GAPVD1: variants seen among roughly 807,000 people sequenced by gnomAD.
GAPVD1 encodes the protein GTPase activating protein and VPS9 domains 1.
A neutral mutation model predicts 155.5 loss-of-function variants in GAPVD1; 35 were observed. The observed-to-expected ratio is 0.23, with a 90% CI of 0.17 to 0.30. The LOEUF is 0.30. Among genes scored for constraint, GAPVD1 ranks in the 10% least tolerant of loss-of-function variants. The pLI, the probability that GAPVD1 is intolerant of heterozygous loss-of-function variation, is 1.00. For synonymous variants in GAPVD1, 636 were observed against 619.7 expected (o/e 1.03, Z -0.39); for missense variants, 1,429 against 1,775.7 (o/e 0.80, Z 3.51).
In GAPVD1 at chr9:125,364,623, G is replaced by A. The variant is rs1266331457; in HGVS notation, c.*1877G>A. 1.3e-5 allele frequency: 2 copies of A among 152,262 alleles called. No individual in the cohort carries two copies. Among genetic ancestry groups the A allele is most frequent in the Non-Finnish European group, 1.5e-5 (1 of 68,050 alleles). 9.4% of individuals were successfully genotyped at this position (152,262 alleles called of 1,614,324 possible). A position where few individuals can be genotyped will look rare whatever the true frequency, so the allele number is the denominator to read the frequency against. Reference sequence around the variant, plus strand: ...CCAAAATAACAAATTGCATAGGAGTGTGGGATGTGGTTTCTGCCTTCTAGA... The same window carrying A: ...CCAAAATAACAAATTGCATAGGAGTATGGGATGTGGTTTCTGCCTTCTAGA... On this transcript the variant is annotated 3_prime_UTR_variant, in exon 28 of 28. Transcript: ENST00000297933.
At chr9:125,279,631 G>A (rs1170694832) in intron 2 of GAPVD1, among the ~76,000 whole-genome samples, 1 of 150,742 alleles carries the variant, frequency 6.6e-6, no homozygotes, top group East Asian at 2.0e-4. Flanking sequence ...AAAAGTATGT[G>A]CACAATAAAA....
intron 2 of GAPVD1, among the ~76,000 whole-genome samples, chr9:125,288,397 A>G (rs1181727702): frequency 6.6e-6 from 1 of 152,154 alleles, no homozygotes; most frequent in Non-Finnish European, 1.5e-5. Context: ...GGCTTGAGCC[A>G]CTGCACCCGG....
intron 2 of GAPVD1, among the ~76,000 whole-genome samples, chr9:125,285,227 T>C (rs117863659): frequency 0.018 from 2,677 of 152,282 alleles, 36 homozygotes; most frequent in Non-Finnish European, 0.028. Flanking sequence ...ATACAACTTT[T>C]ATTTATACAA....
chr9:125,348,020 A>T (rs1281199181), intron 20 of GAPVD1, among the ~76,000 whole-genome samples: 5 of 150,998 alleles, frequency 3.3e-5, no homozygotes, highest in African/African-American at 7.3e-5. Context: ...ATATATAGAG[A>T]GTGTGTGTGT....
Position 125,366,088 on chromosome 9 carries a change from T to A in GAPVD1, c.*3342T>A, listed in dbSNP as rs569886320. 1 of 152,356 alleles carries A rather than the reference T, an allele frequency of 6.6e-6. No individual in the cohort carries two copies. The highest frequency in any genetic ancestry group is 2.4e-5 in the African/African-American group (1 of 41,574). 9.4% of individuals were successfully genotyped at this position (152,356 alleles called of 1,614,324 possible). ...AGGCCTTCTGATACAGATAGTTAAA[T>A]CGCTGTAGTAGGAGGCTCAGGTTTT... On this transcript the variant is annotated 3_prime_UTR_variant, in exon 28 of 28. Transcript: ENST00000297933.
At chr9:125,349,677 G>A (rs780239290) in intron 21 of GAPVD1, among the ~76,000 whole-genome samples, 158 bp downstream of exon 21, 1 of 152,102 alleles carries the variant, frequency 6.6e-6, no homozygotes, top group South Asian at 2.1e-4. Flanking sequence ...AGTTGTAGAT[G>A]TTATGTATCA....
intron 2 of GAPVD1, among the ~76,000 whole-genome samples, chr9:125,273,887 G>A (rs1835311928): frequency 6.6e-6 from 1 of 151,818 alleles, no homozygotes; most frequent in Non-Finnish European, 1.5e-5. Flanking sequence ...ATGGCACAGA[G>A]GTTTCCAAGA....
At chr9:125,281,504 C>G (rs1234033687) in intron 2 of GAPVD1, among the ~76,000 whole-genome samples, 1 of 152,064 alleles carries the variant, frequency 6.6e-6, no homozygotes, top group Non-Finnish European at 1.5e-5. Context: ...GATGATGGTA[C>G]AGAGACAGCA....
chr9:125,302,561 A>T lies in GAPVD1; in HGVS notation c.764A>T (p.Glu255Val). The T allele has an allele frequency of 6.2e-7, 1 of 1,613,390 alleles. No individual in the cohort carries two copies. The highest frequency in any genetic ancestry group is 8.5e-7 in the Non-Finnish European group (1 of 1,179,280). The stretch of plus-strand genomic sequence containing the variant: ...GTTCAAGAAATGGTGGAGTCCAATG[A>T]AGCAAAGCTAGTGGCTTTGGTGAAC... ...QKVQEMVESNEAKLVALVNKF... is the reference protein window; with the variant it reads ...QKVQEMVESNVAKLVALVNKF... Residue 255 changes from glutamate (E) to valine (V), a missense_variant, in exon 5 of 28, where the codon GAA becomes GTA. Around this residue, in one of 4 missense-constraint regions of GAPVD1, gnomAD observed 628 missense variants for 733.4 expected, o/e 0.86. Coordinates refer to ENST00000297933, the MANE Select transcript of GAPVD1 (RefSeq NM_001282680.3).
At chr9:125,288,259 G>A (rs1320633111) in intron 2 of GAPVD1, among the ~76,000 whole-genome samples, 13 of 151,630 alleles carry the variant, frequency 8.6e-5, no homozygotes, top group South Asian at 2.1e-4. Flanking sequence ...TTATAGGCGC[G>A]CACCACCACA....
rs1487656781 is a variant in GAPVD1 at position 125,321,350 on chromosome 9, A to T, written c.1603-83A>T. 6 of 896,048 alleles carry T rather than the reference A, an allele frequency of 6.7e-6. No homozygotes were observed. The African/African-American group carries it at 1.0e-4, about 15-fold the overall frequency. 55.5% of individuals were successfully genotyped at this position (896,048 alleles called of 1,614,324 possible). A position where few individuals can be genotyped will look rare whatever the true frequency, so the allele number is the denominator to read the frequency against. ...AAAAATTGATAATTTAAGATTAAGG[A>T]GTTAAATATGCATTTGCTGTGGTTT... On this transcript the variant is annotated intron_variant, in intron 9 of 27. Transcript: ENST00000297933.
Position 125,306,945 on chromosome 9 carries a change from C to T in GAPVD1, c.1117-468C>T, listed in dbSNP as rs374404264. 1.2e-4 allele frequency among the ~76,000 whole-genome samples: 18 copies of T among 152,254 alleles called. 1 individual carries two copies. In the South Asian group the frequency reaches 3.1e-3, roughly 26 times the overall value. On this transcript the variant is annotated intron_variant, in intron 6 of 27. Coordinates refer to ENST00000297933, the MANE Select transcript of GAPVD1 (RefSeq NM_001282680.3). Reference sequence around the variant, plus strand: ...AGAAGTTTGAGACCAGTCTGGGCAACATGGTGAAACCCCATCTCTACAAAA... The same window carrying T: ...AGAAGTTTGAGACCAGTCTGGGCAATATGGTGAAACCCCATCTCTACAAAA...
chr9:125,337,196 C>T (rs1376568302), intron 16 of GAPVD1, 25 bp from the exon 17 acceptor site: 1 of 1,612,234 alleles, frequency 6.2e-7, no homozygotes, highest in Non-Finnish European at 8.5e-7. Flanking sequence ...GTCTCAGTTA[C>T]AAAACTTTTT....
chr9:125,307,622 A>C (rs535312518), intron 7 of GAPVD1, 69 bp from the exon 8 acceptor site: 109 of 1,559,116 alleles, frequency 7.0e-5, no homozygotes, highest in Middle Eastern at 1.7e-4. Context: ...ACATGAGTAC[A>C]TTGTGTGGGA....
intron 25 of GAPVD1, among the ~76,000 whole-genome samples, chr9:125,358,805 A>G (rs1169533579): frequency 6.6e-6 from 1 of 152,168 alleles, no homozygotes; most frequent in African/African-American, 2.4e-5. Context: ...TAGACTACAA[A>G]CAGCAACTTT....
intron 1 of GAPVD1, among the ~76,000 whole-genome samples, chr9:125,268,279 C>T (rs928267235): frequency 2.0e-5 from 3 of 148,510 alleles, no homozygotes; most frequent in South Asian, 2.2e-4. Context: ...TCTCACTTTA[C>T]GCAGCTGGCT....
intron 2 of GAPVD1, among the ~76,000 whole-genome samples, chr9:125,276,815 G>GT (rs1248710445): frequency 6.6e-6 from 1 of 152,168 alleles, no homozygotes; most frequent in Non-Finnish European, 1.5e-5. Flanking sequence ...ATGAAGAGCA[G>GT]TGGGACCATC....
chr9:125,333,174 G>A (rs1387355985), intron 15 of GAPVD1, among the ~76,000 whole-genome samples: 1 of 151,834 alleles, frequency 6.6e-6, no homozygotes, highest in African/African-American at 2.4e-5. Flanking sequence ...TGGGTCTGCT[G>A]GGTTCAAGCC....
Position 125,350,360 on chromosome 9 carries a change from C to G in GAPVD1, c.3365C>G (p.Thr1122Ser). 1 of 1,608,540 alleles carries G rather than the reference C, an allele frequency of 6.2e-7. No individual in the cohort carries two copies. Among genetic ancestry groups the G allele is most frequent in the Non-Finnish European group, 8.5e-7 (1 of 1,178,238 alleles). The change falls in exon 22 of 28, where the codon ACC (threonine) becomes AGC (serine). Residue 1122 changes from threonine to serine, a missense_variant. Thr to Ser is a moderately conservative substitution (Grantham distance 58). This residue lies in a region of GAPVD1 where 699 missense variants were observed against 826.0 expected (regional missense o/e 0.85). Transcript: ENST00000297933. ...GACTCTGTTGCCTTCCCAGTGCTGA[C>G]CCATTCAACAAGGAATGGTTTACCA... ...SADSVAFPVL[T>S]HSTRNGLPDH...
Sources: gnomAD v4.1 joint callset for allele counts (sites outside exome capture counted in the v4.1 genomes callset) on GRCh38, gnomAD v4.1.1 for gene constraint, gnomAD v4.1.1 regional missense constraint, MANE v1.5 for transcripts, NCBI Gene and HGNC (gene_info 2026-07-23, HGNC 2026-07-21) for gene names.